ARHGAP10: variants seen among roughly 807,000 people sequenced by gnomAD.
ARHGAP10 encodes rho GTPase-activating protein 10.
ARHGAP10 carries 87 observed loss-of-function variants against 108.6 expected under a neutral mutation model. That is an observed-to-expected ratio of 0.80 (90% CI 0.67 to 0.96). The LOEUF is 0.96. Ranked by LOEUF, ARHGAP10 falls within the 40% of genes least tolerant of loss-of-function variation. ARHGAP10 has a pLI of 0.00. For synonymous variants in ARHGAP10, 347 were observed against 341.1 expected (o/e 1.02, Z -0.19); for missense variants, 939 against 954.5 (o/e 0.98, Z 0.21).
At chr4:147,999,424 T>G (rs555265954) in intron 18 of ARHGAP10, among the ~76,000 whole-genome samples, 49 of 152,322 alleles carry the variant, frequency 3.2e-4, no homozygotes, top group Non-Finnish European at 6.2e-4. Context: ...GGAGCTGAGC[T>G]TTTGCTGGCT....
At chr4:147,869,308 C>T (rs760311311) in intron 7 of ARHGAP10, among the ~76,000 whole-genome samples, 7 of 152,066 alleles carry the variant, frequency 4.6e-5, no homozygotes, top group Admixed American at 1.3e-4. Context: ...ACTCCTTGCA[C>T]GGCTCGTTTA....
chr4:147,972,443 T>C (rs1165023300), intron 18 of ARHGAP10, among the ~76,000 whole-genome samples: 1 of 152,178 alleles, frequency 6.6e-6, no homozygotes, highest in East Asian at 1.9e-4. Context: ...GGGTGAGAGC[T>C]TAACTTGCTC....
intron 5 of ARHGAP10, chr4:147,858,435 G>A (rs1734183071): frequency 1.3e-5 from 2 of 152,024 alleles, no homozygotes; most frequent in Non-Finnish European, 2.9e-5. Context: ...AAATGACACA[G>A]TATTAAGTCT....
intron 18 of ARHGAP10, among the ~76,000 whole-genome samples, chr4:148,000,581 G>A (rs1442179123): frequency 6.6e-6 from 1 of 152,168 alleles, no homozygotes; most frequent in Non-Finnish European, 1.5e-5. Context: ...CTTCTCTGCA[G>A]CACCTGTTGT....
At chr4:147,911,370 C>G (rs539560868) in intron 12 of ARHGAP10, among the ~76,000 whole-genome samples, 2 of 152,002 alleles carry the variant, frequency 1.3e-5, no homozygotes, top group Non-Finnish European at 1.5e-5. Context: ...TTGTTGTTGT[C>G]GTTGTTGTTG....
intron 16 of ARHGAP10, among the ~76,000 whole-genome samples, chr4:147,962,034 TG>T (rs571816803): frequency 3.1e-4 from 47 of 152,346 alleles, no homozygotes; most frequent in African/African-American, 9.9e-4. Flanking sequence ...TCACACCTCC[TG>T]GAGAACATTT....
chr4:147,975,495 A>G (rs370270712), intron 18 of ARHGAP10, among the ~76,000 whole-genome samples: 146 of 152,326 alleles, frequency 9.6e-4, no homozygotes, highest in African/African-American at 3.2e-3. Flanking sequence ...TTACAGTTGC[A>G]TAAGCTGGAA....
At chr4:147,914,471 C>T (rs941681042) in intron 13 of ARHGAP10, among the ~76,000 whole-genome samples, 6 of 151,992 alleles carry the variant, frequency 3.9e-5, no homozygotes, top group Non-Finnish European at 7.4e-5. Context: ...GATCCTCCTG[C>T]CTGGGCCTCC....
chr4:148,009,872 C>G (rs765127717), intron 18 of ARHGAP10, among the ~76,000 whole-genome samples: 1 of 152,084 alleles, frequency 6.6e-6, no homozygotes, highest in Admixed American at 6.5e-5. Context: ...GTGTTGGAAG[C>G]GTAGGTGACT....
intron 1 of ARHGAP10, among the ~76,000 whole-genome samples, chr4:147,748,670 A>G (rs1729025883): frequency 6.6e-6 from 1 of 152,216 alleles, no homozygotes; most frequent in Non-Finnish European, 1.5e-5. Context: ...TACATTAAAC[A>G]CACAAAAAGC....
At chr4:147,746,438 T>C (rs1348256985) in intron 1 of ARHGAP10, among the ~76,000 whole-genome samples, 2 of 148,418 alleles carry the variant, frequency 1.3e-5, no homozygotes, top group Non-Finnish European at 3.0e-5. Context: ...GTTTTGCTCT[T>C]TGCCCAGGCT....
At chr4:147,884,405 A>G (rs1735457779) in intron 10 of ARHGAP10, among the ~76,000 whole-genome samples, 1 of 152,188 alleles carries the variant, frequency 6.6e-6, no homozygotes, top group Non-Finnish European at 1.5e-5. Flanking sequence ...CAAGTACTTT[A>G]TAGGGAGACT....
rs532018400 is a variant in ARHGAP10 at position 147,747,217 on chromosome 4, T to C, written c.154+14762T>C. Among the ~76,000 whole-genome samples the C allele has an allele frequency of 3.2e-4, 48 of 152,218 alleles. 1 individual carries two copies. Among genetic ancestry groups the C allele is most frequent in the Non-Finnish European group, 5.7e-4 (39 of 68,000 alleles). On this transcript the variant is annotated intron_variant, in intron 1 of 22. Coordinates refer to ENST00000336498, the MANE Select transcript of ARHGAP10 (RefSeq NM_024605.4). ...CTCTTTTATCTCACCGGAGTCATGC[T>C]GATTCTCTTTGGATGTCTACAGGGA...
At chr4:147,832,726 G>GA (rs2126799445) in intron 3 of ARHGAP10, among the ~76,000 whole-genome samples, 1 of 150,820 alleles carries the variant, frequency 6.6e-6, no homozygotes, top group South Asian at 2.1e-4. Context: ...TGACAGAGAT[G>GA]AAAATAGAAT....
chr4:147,959,522 C>T (rs1190199677), intron 16 of ARHGAP10, among the ~76,000 whole-genome samples: 1 of 152,076 alleles, frequency 6.6e-6, no homozygotes, highest in Admixed American at 6.5e-5. Context: ...CCCCGCTCCC[C>T]CCACCCCACG....
intron 10 of ARHGAP10, among the ~76,000 whole-genome samples, chr4:147,887,736 C>G (rs1019208780): frequency 6.6e-6 from 1 of 151,824 alleles, no homozygotes; most frequent in Non-Finnish European, 1.5e-5. Flanking sequence ...GTGGCGGGCG[C>G]TTGTAGTCCC....
At chr4:147,796,952 G>C (rs559505664) in intron 1 of ARHGAP10, among the ~76,000 whole-genome samples, 1 of 152,218 alleles carries the variant, frequency 6.6e-6, no homozygotes, top group South Asian at 2.1e-4. Context: ...GTTGATTTTA[G>C]CTCTGAAATG....
At chr4:147,788,139 T>G (rs74908388) in intron 1 of ARHGAP10, among the ~76,000 whole-genome samples, 2 of 994 alleles carry the variant, frequency 2.0e-3, no homozygotes, top group African/African-American at 2.8e-3. Flanking sequence ...AATTTGATTT[T>G]TTTTTTTTAA....
At chr4:147,845,393 G>A (rs951434967) in intron 3 of ARHGAP10, among the ~76,000 whole-genome samples, 14 of 152,124 alleles carry the variant, frequency 9.2e-5, no homozygotes, top group South Asian at 4.1e-4. Context: ...TGCTTGTTTT[G>A]TTCATAGCTG....
Sources: gnomAD v4.1 joint callset for allele counts (sites outside exome capture counted in the v4.1 genomes callset) on GRCh38, gnomAD v4.1.1 for gene constraint, MANE v1.5 for transcripts, NCBI Gene and HGNC (gene_info 2026-07-23, HGNC 2026-07-21) for gene names.